The following SVIL variants were observed in gnomAD, a reference collection of about 807,000 sequenced individuals.
SVIL encodes the protein supervillin, also known as archvillin.
Under a neutral mutation model 240.4 loss-of-function variants are expected in SVIL, and 101 were observed. That is an observed-to-expected ratio of 0.42 (90% CI 0.36 to 0.50). The LOEUF is 0.50. SVIL is among the 20% of genes least tolerant of loss of function. The probability of loss-of-function intolerance (pLI) is 0.01; values close to 1 mark genes in which losing one functional copy is unlikely to be tolerated. For synonymous variants in SVIL, 999 were observed against 1,100.0 expected, an observed-to-expected ratio of 0.91 and a Z score of 1.82; for missense variants, 2,512 against 2,818.7, an observed-to-expected ratio of 0.89 and a Z score of 2.46.
chr10:29,685,768 G>A (rs1961021762), intron 2 of SVIL, among the ~76,000 whole-genome samples: 1 of 152,150 alleles, frequency 6.6e-6, no homozygotes, highest in South Asian at 2.1e-4. Flanking sequence ...CCAAAGGGAG[G>A]AGAGTGTAAT....
chr10:29,509,615 G>A (rs1280957752), intron 17 of SVIL, among the ~76,000 whole-genome samples: 7 of 152,066 alleles, frequency 4.6e-5, no homozygotes, highest in Non-Finnish European at 1.0e-4. Flanking sequence ...TTGGGAGGCC[G>A]AGGCAGGTGG....
intron 3 of SVIL, among the ~76,000 whole-genome samples, chr10:29,652,485 T>C (rs1383352068): frequency 1.3e-5 from 2 of 152,242 alleles, no homozygotes; most frequent in Non-Finnish European, 2.9e-5. Context: ...ATTCTTTAGG[T>C]ATTATGAATA....
At position 29,522,397 on chromosome 10, in the gene SVIL, C is replaced by T. The variant is rs1483413454; in HGVS notation, c.3389+13G>A. On this transcript the variant is annotated intron_variant, in intron 16 of 37. Coordinates refer to ENST00000355867, the MANE Select transcript of SVIL (RefSeq NM_021738.3). ...CCCGAGAGAATTACTTTTCGCTCAC[C>T]GAATCTCATTACCTTTCTTTAATAG... 5 of 1,613,398 alleles carry T rather than the reference C, an allele frequency of 3.1e-6. No homozygotes were observed. The highest frequency in any genetic ancestry group is 4.2e-6 in the Non-Finnish European group (5 of 1,179,688).
At chr10:29,458,991 A>ATTT (rs34388233) in intron 36 of SVIL, among the ~76,000 whole-genome samples, 6 of 123,952 alleles carry the variant, frequency 4.8e-5, no homozygotes, top group Admixed American at 4.1e-4. Flanking sequence ...TTCCTTTTCC[A>ATTT]TTTTTTTTTT....
At chr10:29,699,055 G>A (rs960724633) in intron 1 of SVIL, among the ~76,000 whole-genome samples, 6 of 152,160 alleles carry the variant, frequency 3.9e-5, no homozygotes, top group African/African-American at 1.2e-4. Flanking sequence ...GATCTAACTC[G>A]GTCCTTGTCT....
intron 1 of SVIL, among the ~76,000 whole-genome samples, chr10:29,599,773 C>T (rs1956742914): frequency 6.6e-6 from 1 of 152,084 alleles, no homozygotes; most frequent in South Asian, 2.1e-4. Context: ...AAATCAATTT[C>T]CCAACGGTCA....
intron 6 of SVIL, among the ~76,000 whole-genome samples, chr10:29,548,753 C>T (rs1589210441): frequency 2.0e-5 from 3 of 152,298 alleles, no homozygotes; most frequent in South Asian, 4.1e-4. Flanking sequence ...GCTTCTTCTG[C>T]TCTGTGATTC....
intron 22 of SVIL, 103 bp from the exon 23 acceptor site, chr10:29,488,859 C>T: frequency 1.5e-6 from 2 of 1,291,092 alleles, no homozygotes; most frequent in Non-Finnish European, 2.1e-6. Flanking sequence ...TTTGTCTTTT[C>T]AAGTTAATCC....
chr10:29,580,102 G>C (rs763055589), intron 1 of SVIL, among the ~76,000 whole-genome samples: 3 of 151,986 alleles, frequency 2.0e-5, no homozygotes, highest in Non-Finnish European at 4.4e-5. Flanking sequence ...GCCAAGTCAG[G>C]AGGATTGCTT....
rs1327870629 is a variant in SVIL at position 29,533,043 on chromosome 10, C to T, written c.1324G>A (p.Asp442Asn). 6.2e-7 allele frequency: 1 copy of T among 1,613,798 alleles called. No homozygotes were observed. The highest frequency in any genetic ancestry group is 1.3e-5 in the African/African-American group (1 of 74,880). Residue 442 changes from aspartate (D) to asparagine (N), a missense_variant, in exon 8 of 38, where the codon GAT (aspartate) becomes AAT (asparagine). Transcript: ENST00000355867. ...TCGAGAGCTTCAGTGAAGCACACAT[C>T]TTCTTCTTTTTCTTCTCCTTCTCCT... ...GEGEGEEKEE[D>N]VCFTEALEQS...
intron 1 of SVIL, among the ~76,000 whole-genome samples, chr10:29,606,108 G>T (rs57344939): frequency 0.33 from 49,767 of 151,566 alleles, 8,466 homozygotes; most frequent in South Asian, 0.38. Context: ...ATGGGCTTCT[G>T]TCACGTTGGC....
At chr10:29,631,024 G>A (rs1348177279) in intron 1 of SVIL, among the ~76,000 whole-genome samples, 2 of 152,170 alleles carry the variant, frequency 1.3e-5, no homozygotes, top group Admixed American at 6.5e-5. Context: ...CTAGAGTACA[G>A]GCTGGAGTCG....
intron 1 of SVIL, among the ~76,000 whole-genome samples, chr10:29,610,817 C>T (rs1020634827): frequency 2.0e-5 from 3 of 152,162 alleles, no homozygotes; most frequent in African/African-American, 7.2e-5. Context: ...GAAACCTTCC[C>T]AGACTCCCTC....
intron 1 of SVIL, among the ~76,000 whole-genome samples, chr10:29,696,934 G>T (rs1962094960): frequency 6.9e-6 from 1 of 144,462 alleles, no homozygotes; most frequent in Non-Finnish European, 1.5e-5. Flanking sequence ...GAGCCCCTCT[G>T]CCCAGCCAGA....
intron 32 of SVIL, among the ~76,000 whole-genome samples, chr10:29,468,096 A>C (rs928503212): frequency 6.6e-6 from 1 of 152,218 alleles, no homozygotes; most frequent in African/African-American, 2.4e-5. Context: ...CGGAAGAAGA[A>C]GCCCTGTACC....
intron 1 of SVIL, among the ~76,000 whole-genome samples, chr10:29,731,674 T>C (rs1015656111): frequency 6.6e-6 from 1 of 152,038 alleles, no homozygotes; most frequent in Non-Finnish European, 1.5e-5. Flanking sequence ...TAAAAAAAAA[T>C]GTTAATTCTG....
At chr10:29,534,450 C>T (rs1051173009) in intron 7 of SVIL, among the ~76,000 whole-genome samples, 5 of 152,176 alleles carry the variant, frequency 3.3e-5, no homozygotes, top group Admixed American at 2.0e-4. Context: ...CTGCAGTGAG[C>T]TATGATTGTA....
chr10:29,728,786 G>A (rs774090547), intron 1 of SVIL, among the ~76,000 whole-genome samples: 1 of 152,142 alleles, frequency 6.6e-6, no homozygotes, highest in African/African-American at 2.4e-5. Context: ...AGAAAGGATC[G>A]CAAGGGGGAA....
intron 2 of SVIL, among the ~76,000 whole-genome samples, chr10:29,675,218 A>G (rs1249607080): frequency 6.6e-6 from 1 of 152,136 alleles, no homozygotes; most frequent in African/African-American, 2.4e-5. Context: ...ACCAGCCCTC[A>G]GCTGGGCACA....
Sources: gnomAD v4.1 joint callset for allele counts (sites outside exome capture counted in the v4.1 genomes callset) on GRCh38, gnomAD v4.1.1 for gene constraint, MANE v1.5 for transcripts, NCBI Gene and HGNC (gene_info 2026-07-23, HGNC 2026-07-21) for gene names.